The following SCARB2 variants were observed in gnomAD, a reference collection of about 807,000 sequenced individuals.
SCARB2 encodes scavenger receptor class B member 2, also known as lysosome membrane protein 2.
Under a neutral mutation model 58.6 loss-of-function variants are expected in SCARB2, and 29 were observed. The observed-to-expected ratio is 0.49, with a 90% CI of 0.37 to 0.67. SCARB2 has a LOEUF of 0.67. SCARB2 is among the 30% of genes least tolerant of loss of function. SCARB2 has a pLI of 0.00. For synonymous variants in SCARB2, 195 were observed against 210.1 expected, an observed-to-expected ratio of 0.93 and a Z score of 0.62; for missense variants, 488 against 578.5, an observed-to-expected ratio of 0.84 and a Z score of 1.60.
intron 1 of SCARB2, among the ~76,000 whole-genome samples, chr4:76,200,852 A>T (rs1237420816): frequency 6.6e-6 from 1 of 152,130 alleles, no homozygotes; most frequent in Non-Finnish European, 1.5e-5. Flanking sequence ...ACCCCAAGGC[A>T]CATTTCATCA....
chr4:76,180,094 C>T, intron 3 of SCARB2: 2 of 326,304 alleles, frequency 6.1e-6, no homozygotes, highest in Non-Finnish European at 1.2e-5. Flanking sequence ...TGGCAGGGAC[C>T]TCATACTGTC....
chr4:76,221,797 A>G (rs1733313366), intron 1 of SCARB2, among the ~76,000 whole-genome samples: 7 of 152,234 alleles, frequency 4.6e-5, no homozygotes, highest in Admixed American at 3.9e-4. Context: ...AAACCTACCT[A>G]TTGGGTATCA....
At position 76,213,374 on chromosome 4, in the gene SCARB2, G is replaced by C; in HGVS notation, c.117+53C>G. The C allele has an allele frequency of 2.5e-6, 3 of 1,203,240 alleles. No individual in the cohort carries two copies. In the South Asian group the frequency reaches 3.7e-5, roughly 15 times the overall value. The allele number at this position is 1,203,240 out of a possible 1,614,324, so 74.5% of individuals were successfully genotyped here. A position where few individuals can be genotyped will look rare whatever the true frequency, so the allele number is the denominator to read the frequency against. The stretch of plus-strand genomic sequence containing the variant: ...CCATACAAGATGTAGCAGCAGGGAT[G>C]GGAGGGTGAGCTGGACGACTCCACA... On this transcript the variant is annotated intron_variant, in intron 1 of 11. Transcript: ENST00000264896.
chr4:76,204,787 C>T (rs971325455), intron 1 of SCARB2, among the ~76,000 whole-genome samples: 5 of 152,142 alleles, frequency 3.3e-5, no homozygotes, highest in African/African-American at 1.2e-4. Flanking sequence ...ATTTTGCAAC[C>T]TGTTTGGTTG....
At chr4:76,193,693 A>G (rs1259794743) in intron 2 of SCARB2, 1 of 152,252 alleles carries the variant, frequency 6.6e-6, no homozygotes, top group East Asian at 1.9e-4. Flanking sequence ...ATGTTTGCCC[A>G]ATGCTGATAC....
At chr4:76,233,932 A>T (rs1293297202) in intron 1 of SCARB2, among the ~76,000 whole-genome samples, 1 of 152,248 alleles carries the variant, frequency 6.6e-6, no homozygotes, top group Non-Finnish European at 1.5e-5. Flanking sequence ...TGATGGGGTG[A>T]AGAAGAGGAA....
chr4:76,198,831 AGAGT>A (rs777488092), intron 1 of SCARB2, among the ~76,000 whole-genome samples: 100 of 143,040 alleles, frequency 7.0e-4, no homozygotes, highest in African/African-American at 2.1e-3. Context: ...CACGTGCTGG[AGAGT>A]GAGTGAGTGT....
chr4:76,209,669 T>C (rs534520805), intron 1 of SCARB2, among the ~76,000 whole-genome samples: 34 of 152,352 alleles, frequency 2.2e-4, no homozygotes, highest in African/African-American at 8.2e-4. Flanking sequence ...GCCTGGCCTA[T>C]ATTTTACTTC....
rs142931819 is a variant in SCARB2, at chr4:76,222,561, C to T, written c.-358+11742G>A. Among the ~76,000 whole-genome samples the T allele has an allele frequency of 7.4e-3, 1,127 of 152,226 alleles. 10 individuals carry two copies. The highest frequency in any genetic ancestry group is 0.012 in the Non-Finnish European group (798 of 67,990). On this transcript the variant is annotated intron_variant, in intron 1 of 11. Transcript: ENST00000638295. Reference sequence around the variant, plus strand: ...ATCTTCTCCTTAGTCCTTAACTCTCCGCTGCCTCCACCAGCCCTGTCCTAG... The same window carrying T: ...ATCTTCTCCTTAGTCCTTAACTCTCTGCTGCCTCCACCAGCCCTGTCCTAG...
intron 7 of SCARB2, 77 bp downstream of exon 7, chr4:76,174,067 A>G (rs895445098): frequency 5.2e-5 from 81 of 1,570,920 alleles, no homozygotes; most frequent in African/African-American, 6.8e-5. Flanking sequence ...CACTACGCCC[A>G]GCTACATATT....
chr4:76,208,991 A>G (rs888775535), intron 1 of SCARB2, among the ~76,000 whole-genome samples: 1 of 152,206 alleles, frequency 6.6e-6, no homozygotes, highest in Non-Finnish European at 1.5e-5. Flanking sequence ...CATCCTTGAG[A>G]TGGGAAAAGT....
At chr4:76,188,034 A>G (rs1274878983) in intron 2 of SCARB2, among the ~76,000 whole-genome samples, 1 of 152,194 alleles carries the variant, frequency 6.6e-6, no homozygotes, top group East Asian at 1.9e-4. Flanking sequence ...CCAAAATAAG[A>G]TATTTCACGG....
At chr4:76,182,155 T>C (rs936728307) in intron 2 of SCARB2, among the ~76,000 whole-genome samples, 2 of 152,202 alleles carry the variant, frequency 1.3e-5, no homozygotes, top group South Asian at 2.1e-4. Context: ...GCCTGGTACA[T>C]AGTAGGTGTT....
intron 2 of SCARB2, among the ~76,000 whole-genome samples, chr4:76,186,415 G>A (rs78786042): frequency 0.026 from 4,014 of 152,158 alleles, 134 homozygotes; most frequent in African/African-American, 0.082. Flanking sequence ...CAACGTGAAA[G>A]GAGTACTGAA....
At chr4:76,202,648 A>G (rs1233695646) in intron 1 of SCARB2, among the ~76,000 whole-genome samples, 1 of 152,226 alleles carries the variant, frequency 6.6e-6, no homozygotes, top group African/African-American at 2.4e-5. Flanking sequence ...GACAATGAAG[A>G]AAGTAAAAGG....
At chr4:76,212,945 T>C (rs1330418982) in intron 1 of SCARB2, among the ~76,000 whole-genome samples, 1 of 152,228 alleles carries the variant, frequency 6.6e-6, no homozygotes, top group African/African-American at 2.4e-5. Flanking sequence ...AGCTACCAAC[T>C]GCCCCTGCCC....
intron 7 of SCARB2, among the ~76,000 whole-genome samples, chr4:76,170,972 A>ATATAT (rs1732118625): frequency 8.7e-6 from 1 of 114,574 alleles, no homozygotes. Context: ...ATATATATAT[A>ATATAT]ACCAAATAGG....
At chr4:76,167,259 C>T (rs563144980) in intron 9 of SCARB2, among the ~76,000 whole-genome samples, 57 of 152,268 alleles carry the variant, frequency 3.7e-4, no homozygotes, top group Non-Finnish European at 7.5e-4. Flanking sequence ...TGTCTCAAGT[C>T]TCTGAGTGAT....
chr4:76,179,028 G>A (rs1039624105), intron 4 of SCARB2: 1 of 163,020 alleles, frequency 6.1e-6, no homozygotes, highest in Non-Finnish European at 1.3e-5. Flanking sequence ...TGCACTCCAG[G>A]GTTTTTGTTT....
Sources: gnomAD v4.1 joint callset for allele counts (sites outside exome capture counted in the v4.1 genomes callset) on GRCh38, gnomAD v4.1.1 for gene constraint, MANE v1.5 for transcripts, NCBI Gene and HGNC (gene_info 2026-07-23, HGNC 2026-07-21) for gene names.